PKN2: variants seen among roughly 807,000 people sequenced by gnomAD.
The protein encoded by PKN2 is protein kinase N2.
In PKN2, 38 loss-of-function variants were observed where a neutral mutation model predicts 119.1. The ratio of observed to expected loss-of-function variants is 0.32; its 90% CI spans 0.25 to 0.42. The LOEUF (loss-of-function observed/expected upper bound fraction) is 0.42. PKN2 is among the 10% of genes least tolerant of loss of function. PKN2 has a pLI of 1.00. For missense variants in PKN2, 850 were observed against 1,165.1 expected (o/e 0.73, Z 3.94); for synonymous variants, 390 against 384.9 (o/e 1.01, Z -0.15).
At position 88,772,398 on chromosome 1, in the gene PKN2, C is replaced by A. The variant is rs116837290; in HGVS notation, c.985+519C>A. ...AATTCAAAACTTTTTGTGCACCCAA[C>A]ATGATGCTCAAAGGAAATTCTCATT... On this transcript the variant is annotated intron_variant, in intron 6 of 21. Transcript: ENST00000370521. 2.5e-3 allele frequency among the ~76,000 whole-genome samples: 386 copies of A among 152,282 alleles called. 2 individuals carry two copies. Among genetic ancestry groups the A allele is most frequent in the African/African-American group, 9.0e-3 (373 of 41,554 alleles).
intron 8 of PKN2, among the ~76,000 whole-genome samples, chr1:88,788,145 CA>C (rs1670659202): frequency 6.6e-6 from 1 of 151,986 alleles, no homozygotes; most frequent in Non-Finnish European, 1.5e-5. Flanking sequence ...TGTTTCATTT[CA>C]AGATAAAAAA....
At chr1:88,832,600 T>G in intron 19 of PKN2, 144 bp from the exon 20 acceptor site, 1 of 558,540 alleles carries the variant, frequency 1.8e-6, no homozygotes, top group Admixed American at 3.1e-5. Flanking sequence ...TTGGTAGGCA[T>G]GGGTTTATTG....
intron 16 of PKN2, among the ~76,000 whole-genome samples, chr1:88,814,644 T>C (rs1401973485): frequency 6.6e-6 from 1 of 152,146 alleles, no homozygotes; most frequent in African/African-American, 2.4e-5. Flanking sequence ...GGCCTGCTAC[T>C]CTTAGTCTTC....
chr1:88,770,079 T>G (rs1669820771), intron 3 of PKN2, among the ~76,000 whole-genome samples: 1 of 152,156 alleles, frequency 6.6e-6, no homozygotes, highest in African/African-American at 2.4e-5. Flanking sequence ...GTATATACAA[T>G]AAAAAATAAA....
intron 2 of PKN2, among the ~76,000 whole-genome samples, chr1:88,745,395 G>T (rs1188349844): frequency 6.6e-6 from 1 of 152,074 alleles, no homozygotes; most frequent in Non-Finnish European, 1.5e-5. Context: ...AAGCTGTTAG[G>T]ACTAATAAAG....
chr1:88,687,982 A>G (rs1666171889), intron 1 of PKN2, among the ~76,000 whole-genome samples: 1 of 152,194 alleles, frequency 6.6e-6, no homozygotes, highest in African/African-American at 2.4e-5. Flanking sequence ...TGTTATTTCC[A>G]TGTTGTGGAT....
At chr1:88,795,557 G>A (rs1671028185) in intron 8 of PKN2, among the ~76,000 whole-genome samples, 1 of 152,160 alleles carries the variant, frequency 6.6e-6, no homozygotes, top group Admixed American at 6.5e-5. Flanking sequence ...AAAACCTTAT[G>A]TATAGTGTCT....
chr1:88,720,223 G>A lies in PKN2; in HGVS notation c.49-20765G>A, dbSNP rs148834474. Among the ~76,000 whole-genome samples, 14 of 152,210 alleles carry A rather than the reference G, an allele frequency of 9.2e-5. No homozygotes were observed. The East Asian group carries it at 2.7e-3, about 29-fold the overall frequency. ...TTTTGTAGAGACGAGGTTTCACCAT[G>A]TTGCCCAGGCTGGTCTTGAACTCCT... is the stretch of plus-strand genomic sequence containing the variant. On this transcript the variant is annotated intron_variant, in intron 1 of 21. Coordinates refer to ENST00000370521, the MANE Select transcript of PKN2 (RefSeq NM_006256.4).
intron 9 of PKN2, 31 bp downstream of exon 9, chr1:88,804,565 A>G (rs1181119066): frequency 3.2e-6 from 5 of 1,581,276 alleles, no homozygotes; most frequent in South Asian, 1.1e-5. Context: ...AATGTGCATA[A>G]CTACAATTGA....
At chr1:88,828,835 A>G (rs1300610945) in intron 19 of PKN2, among the ~76,000 whole-genome samples, 1 of 152,134 alleles carries the variant, frequency 6.6e-6, no homozygotes, top group Non-Finnish European at 1.5e-5. Context: ...TGCTTTGAAA[A>G]TAGTTCCTTG....
At chr1:88,758,861 T>C (rs1669326633) in intron 2 of PKN2, among the ~76,000 whole-genome samples, 1 of 152,192 alleles carries the variant, frequency 6.6e-6, no homozygotes, top group Non-Finnish European at 1.5e-5. Context: ...CATGTATGTG[T>C]CTTTATGACA....
intron 1 of PKN2, among the ~76,000 whole-genome samples, chr1:88,715,285 A>T (rs1667401358): frequency 6.6e-6 from 1 of 152,188 alleles, no homozygotes; most frequent in Non-Finnish European, 1.5e-5. Flanking sequence ...GCCTCATAAA[A>T]TGAGTTAGGG....
intron 1 of PKN2, among the ~76,000 whole-genome samples, chr1:88,719,878 CTG>C (rs934498370): frequency 6.6e-6 from 1 of 152,074 alleles, no homozygotes; most frequent in African/African-American, 2.4e-5. Flanking sequence ...GTAACAGATA[CTG>C]TGACTAAGAT....
intron 1 of PKN2, among the ~76,000 whole-genome samples, chr1:88,706,726 A>G (rs181633993): frequency 6.6e-6 from 1 of 152,236 alleles, no homozygotes; most frequent in East Asian, 1.9e-4. Context: ...TATTGAGACA[A>G]TAATGGTTTT....
At chr1:88,780,319 T>G (rs1265393252) in intron 6 of PKN2, among the ~76,000 whole-genome samples, 1 of 152,216 alleles carries the variant, frequency 6.6e-6, no homozygotes, top group African/African-American at 2.4e-5. Context: ...AACAAAACTA[T>G]AAGGTATATC....
intron 1 of PKN2, among the ~76,000 whole-genome samples, chr1:88,731,151 T>G (rs1272253082): frequency 6.6e-6 from 1 of 151,354 alleles, no homozygotes; most frequent in Non-Finnish European, 1.5e-5. Flanking sequence ...TGAATAAAGT[T>G]TTTTTTTAAA....
chr1:88,692,990 A>T (rs768771898), intron 1 of PKN2, among the ~76,000 whole-genome samples: 1 of 152,238 alleles, frequency 6.6e-6, no homozygotes, highest in Admixed American at 6.5e-5. Context: ...ATGAACAGCC[A>T]TAGGAAGTTG....
At chr1:88,723,178 A>C (rs74492484) in intron 1 of PKN2, among the ~76,000 whole-genome samples, 1 of 150,240 alleles carries the variant, frequency 6.7e-6, no homozygotes, top group Non-Finnish European at 1.5e-5. Flanking sequence ...CAGTGGCTCA[A>C]CCTCGGCTCA....
At chr1:88,822,569 A>C (rs1190172448) in intron 17 of PKN2, among the ~76,000 whole-genome samples, 3 of 148,856 alleles carry the variant, frequency 2.0e-5, no homozygotes, top group African/African-American at 5.0e-5. Context: ...TAAACATTGG[A>C]TTATTTAAGC....
Sources: gnomAD v4.1 joint callset for allele counts (sites outside exome capture counted in the v4.1 genomes callset) on GRCh38, gnomAD v4.1.1 for gene constraint, MANE v1.5 for transcripts, NCBI Gene and HGNC (gene_info 2026-07-23, HGNC 2026-07-21) for gene names.